The following GRIN1 variants were observed in gnomAD, a reference collection of about 807,000 sequenced individuals.
GRIN1 encodes glutamate ionotropic receptor NMDA type subunit 1, also known as glutamate receptor ionotropic, NMDA 1.
Under a neutral mutation model 103.0 loss-of-function variants are expected in GRIN1, and 38 were observed. The observed-to-expected ratio is 0.37, with a 90% CI of 0.28 to 0.48. The LOEUF (loss-of-function observed/expected upper bound fraction) is 0.48, where lower values mean the gene tolerates loss of function less well. GRIN1 is among the 20% of genes least tolerant of loss of function. GRIN1 has a pLI of 0.98. For synonymous variants in GRIN1, 544 were observed against 532.7 expected, an observed-to-expected ratio of 1.02 and a Z score of -0.29; for missense variants, 577 against 1,288.9, an observed-to-expected ratio of 0.45 and a Z score of 8.46.
chr9:137,141,213 G>A (rs958210586), intron 1 of GRIN1, among the ~76,000 whole-genome samples: 7 of 152,210 alleles, frequency 4.6e-5, no homozygotes, highest in African/African-American at 1.4e-4. Context: ...ATTCGCCAAA[G>A]CTCTAAGAGG....
intron 4 of GRIN1, among the ~76,000 whole-genome samples, chr9:137,153,230 C>G (rs188026962): frequency 6.6e-6 from 1 of 150,530 alleles, no homozygotes; most frequent in East Asian, 1.9e-4. Context: ...TGCACACATG[C>G]CACATACCAC....
Position 137,139,470 on chromosome 9 carries a change from G to A in GRIN1, c.-17G>A. 1.3e-6 allele frequency: 2 copies of A among 1,549,386 alleles called. No homozygotes were observed. The highest frequency in any genetic ancestry group is 1.7e-6 in the Non-Finnish European group (2 of 1,148,312). Reference sequence around the variant, plus strand: ...CCGCGTTCGCGCCGCGCAGAGCCAGGCCCGCGGCCCGAGCCCATGAGCACC... The same window carrying A: ...CCGCGTTCGCGCCGCGCAGAGCCAGACCCGCGGCCCGAGCCCATGAGCACC... On this transcript the variant is annotated 5_prime_UTR_variant, in exon 1 of 20. Coordinates refer to ENST00000371561, the MANE Select transcript of GRIN1 (RefSeq NM_007327.4). This position sits in a 1 kb window ranked among gnomAD's most constrained non-coding sequence, Gnocchi z 7.7.
Position 137,168,598 on chromosome 9 carries a change from T to G in GRIN1, c.*1071T>G. The G allele has an allele frequency of 6.5e-6, 2 of 307,970 alleles. No homozygotes were observed. Among genetic ancestry groups the G allele is most frequent in the South Asian group, 1.6e-4 (1 of 6,388 alleles). 19.1% of individuals were successfully genotyped at this position (307,970 alleles called of 1,614,324 possible). ...CCGGGTGCGTGACCGGCCCGCCACC[T>G]TGTACAGAACCAGCACTCCCAGGGC... On this transcript the variant is annotated 3_prime_UTR_variant, in exon 20 of 20. Coordinates refer to ENST00000371561, the MANE Select transcript of GRIN1 (RefSeq NM_007327.4).
Position 137,167,775 on chromosome 9 carries a change from A to G in GRIN1, c.*248A>G, listed in dbSNP as rs1419731781. ...TGTCTGTGTATTTCTATTTTGCAGC[A>G]GTACCATCCCACTGATATCACGGGC... On this transcript the variant is annotated 3_prime_UTR_variant, in exon 20 of 20. Coordinates refer to ENST00000371561, the MANE Select transcript of GRIN1 (RefSeq NM_007327.4). 1.9e-6 allele frequency: 3 copies of G among 1,611,898 alleles called. No homozygotes were observed. The highest frequency in any genetic ancestry group is 2.5e-6 in the Non-Finnish European group (3 of 1,179,478).
chr9:137,156,928 G>C lies in GRIN1; in HGVS notation c.859G>C (p.Val287Leu), dbSNP rs777773362. The change falls in exon 6 of 20, where the codon GTG (valine) becomes CTG (leucine). Residue 287 changes from valine (V) to leucine (L), a missense_variant. By Grantham distance (32) the Val-to-Leu change is conservative (BLOSUM62 1). This residue lies in a region of GRIN1 where 308 missense variants were observed against 553.6 expected (regional missense o/e 0.56). Coordinates refer to ENST00000371561, the MANE Select transcript of GRIN1 (RefSeq NM_007327.4). ...ESAHISDAVG[V>L]VAQAVHELLE... ...GGCCCACATCAGCGACGCCGTGGGC[G>C]TGGTGGCCCAGGCCGTGCACGAGCT... 1 of 1,612,204 alleles carries C rather than the reference G, an allele frequency of 6.2e-7. No individual in the cohort carries two copies. The highest frequency in any genetic ancestry group is 8.5e-7 in the Non-Finnish European group (1 of 1,179,816).
At position 137,149,093 on chromosome 9, in the gene GRIN1, A is replaced by G. The variant is rs1356531038; in HGVS notation, c.655A>G (p.Ile219Val). Residue 219 changes from isoleucine to valine, a missense_variant, in exon 4 of 20, where the codon ATC (isoleucine) becomes GTC (valine). Ile to Val is a conservative substitution (Grantham distance 29, BLOSUM62 3). Transcript: ENST00000371561. ...MEAKELEARV[I>V]ILSASEDDAA... Reference sequence around the variant, plus strand: ...GGCGAAAGAGCTGGAGGCCCGGGTCATCATCCTTTCTGCCAGGTGAGGCTG... The same window carrying G: ...GGCGAAAGAGCTGGAGGCCCGGGTCGTCATCCTTTCTGCCAGGTGAGGCTG... 6.2e-7 allele frequency: 1 copy of G among 1,610,420 alleles called. No individual in the cohort carries two copies. The highest frequency in any genetic ancestry group is 8.5e-7 in the Non-Finnish European group (1 of 1,177,800).
rs1588730464 is a variant in GRIN1 at position 137,162,078 on chromosome 9, T to C, written c.1622T>C (p.Leu541Pro). 1 of 1,220,480 alleles carries C rather than the reference T, an allele frequency of 8.2e-7. No homozygotes were observed. Among genetic ancestry groups the C allele is most frequent in the Non-Finnish European group, 1.1e-6 (1 of 923,924 alleles). The allele number at this position is 1,220,480 out of a possible 1,614,324, so 75.6% of individuals were successfully genotyped here. Residue 541 changes from leucine to proline, a missense_variant, in exon 11 of 20, where the codon CTG (leucine) becomes CCG (proline). By Grantham distance (98) the Leu-to-Pro change is moderately conservative. Around this residue, in one of 9 missense-constraint regions of GRIN1, gnomAD observed 13 missense variants for 83.5 expected, o/e 0.16. Coordinates refer to ENST00000371561, the MANE Select transcript of GRIN1 (RefSeq NM_007327.4). Reference sequence around the variant, plus strand: ...TTCAAGTACCAGGGCCTGACTATTCTGGTCAAGAAGGTGGGCAGGGGCCGG... The same window carrying C: ...TTCAAGTACCAGGGCCTGACTATTCCGGTCAAGAAGGTGGGCAGGGGCCGG... ...KPFKYQGLTI[L>P]VKKEIPRSTL...
Position 137,151,381 on chromosome 9 carries a change from A to AAGCCC in GRIN1, c.671+2280_671+2284dup, listed in dbSNP as rs1003415966. ...CCAGAAAAAAAGCCCCACCCAGGGA[A>AAGCCC]AGCCCAGCCCAGAAAAAGACCCGCC... is the stretch of plus-strand genomic sequence containing the variant. On this transcript the variant is annotated intron_variant, in intron 4 of 19. Coordinates refer to ENST00000371561, the MANE Select transcript of GRIN1 (RefSeq NM_007327.4). Among the ~76,000 whole-genome samples the AAGCCC allele has an allele frequency of 2.5e-4, 36 of 146,210 alleles. No homozygotes were observed. The East Asian group carries it at 6.2e-3, about 25-fold the overall frequency.
At chr9:137,149,276 C>T (rs1480015748) in intron 4 of GRIN1, among the ~76,000 whole-genome samples, 167 bp downstream of exon 4, 1 of 152,152 alleles carries the variant, frequency 6.6e-6, no homozygotes, top group Admixed American at 6.5e-5. Context: ...ACACTCCTAT[C>T]GGCATGGCTG....
chr9:137,144,758 G>A (rs187034463), intron 2 of GRIN1, among the ~76,000 whole-genome samples: 2 of 104,244 alleles, frequency 1.9e-5, no homozygotes, highest in Non-Finnish European at 3.8e-5. Context: ...GAGGAAGGGG[G>A]TCCCAGGGTC....
At chr9:137,155,955 C>T (rs899026815) in intron 4 of GRIN1, among the ~76,000 whole-genome samples, 18 of 152,218 alleles carry the variant, frequency 1.2e-4, no homozygotes, top group African/African-American at 4.3e-4. Context: ...GTCCCCAGGA[C>T]GCTGGATCCA....
At position 137,167,633 on chromosome 9, in the gene GRIN1, G is replaced by T; in HGVS notation, c.*106G>T. The T allele has an allele frequency of 6.6e-7, 1 of 1,512,806 alleles. No individual in the cohort carries two copies. 93.7% of individuals were successfully genotyped at this position (1,512,806 alleles called of 1,614,324 possible). ...AGCCCCGGAGCACCACGGGGTCGGG[G>T]GAGGAGCACCCCCAGCCTCCCCCAG... is the stretch of plus-strand genomic sequence containing the variant. On this transcript the variant is annotated 3_prime_UTR_variant, in exon 20 of 20. Coordinates refer to ENST00000371561, the MANE Select transcript of GRIN1 (RefSeq NM_007327.4).
chr9:137,156,835 A>AC (rs1166222923), intron 5 of GRIN1, 28 bp from the exon 6 acceptor site: 1 of 1,607,674 alleles, frequency 6.2e-7, no homozygotes. Flanking sequence ...GGAGGACCCC[A>AC]CGGGCTCTGA....
chr9:137,148,343 A>AGCAGGCAGGAGAGGGCAGGCAGGAGAGG, intron 3 of GRIN1: 3 of 648,576 alleles, frequency 4.6e-6, no homozygotes, highest in Non-Finnish European at 8.1e-6. Flanking sequence ...GGCAGCCGGC[A>AGCAGGCAGGAGAGGGCAGGCAGGAGAGG]GCAGGCAGGA....
chr9:137,156,565 G>A (rs1833231695), intron 4 of GRIN1, 104 bp from the exon 5 acceptor site: 1 of 1,488,192 alleles, frequency 6.7e-7, no homozygotes, highest in Non-Finnish European at 9.1e-7. Context: ...AGGAGGGGAT[G>A]GGGGCTGGGC....
chr9:137,150,322 GC>G (rs1832767104), intron 4 of GRIN1, among the ~76,000 whole-genome samples: 1 of 151,162 alleles, frequency 6.6e-6, no homozygotes, highest in Non-Finnish European at 1.5e-5. Flanking sequence ...GGAAAGACCC[GC>G]CCAGAAAAAA....
rs955781126 is a variant in GRIN1, at chr9:137,161,331, A to G, written c.1382A>G (p.Asp461Gly). The stretch of plus-strand genomic sequence containing the variant: ...CAGTGTTGCTACGGCTTTTGCATCG[A>G]CCTGCTCATCAAGCTGGCACGGACC... The part of the protein sequence containing the change: ...VPQCCYGFCI[D>G]LLIKLARTMN... The change falls in exon 10 of 20, where the codon GAC (aspartate) becomes GGC (glycine). Residue 461 changes from aspartate to glycine, a missense_variant. Coordinates refer to ENST00000371561, the MANE Select transcript of GRIN1 (RefSeq NM_007327.4). 6 of 1,612,346 alleles carry G rather than the reference A, an allele frequency of 3.7e-6. No individual in the cohort carries two copies. The highest frequency in any genetic ancestry group is 5.1e-6 in the Non-Finnish European group (6 of 1,179,742).
chr9:137,142,856 T>C (rs891355641), intron 2 of GRIN1, among the ~76,000 whole-genome samples: 14 of 152,200 alleles, frequency 9.2e-5, no homozygotes, highest in Non-Finnish European at 1.8e-4. Context: ...TGAGGGCACC[T>C]TGGCTTAGCC....
At chr9:137,150,068 G>A (rs916155194) in intron 4 of GRIN1, among the ~76,000 whole-genome samples, 2 of 152,152 alleles carry the variant, frequency 1.3e-5, no homozygotes, top group African/African-American at 2.4e-5. Flanking sequence ...TAGGGTTGTT[G>A]CTTAGAGCTG....
Sources: allele counts gnomAD v4.1 joint callset (sites outside exome capture counted in the v4.1 genomes callset), GRCh38; gene constraint gnomAD v4.1.1; regional missense constraint gnomAD v4.1.1; non-coding constraint Gnocchi (gnomAD v3.1); transcripts MANE v1.5; gene names NCBI Gene and HGNC (gene_info 2026-07-23, HGNC 2026-07-21).